FGF13: variants seen among roughly 807,000 people sequenced by gnomAD.
The protein encoded by FGF13 is fibroblast growth factor 13.
In FGF13, 2 loss-of-function variants were observed where a neutral mutation model predicts 19.5. That is an observed-to-expected ratio of 0.10 (90% confidence interval 0.04 to 0.32). The LOEUF is 0.32. FGF13 is among the 10% of genes least tolerant of loss of function. The probability of loss-of-function intolerance (pLI) is 1.00; values close to 1 mark genes in which losing one functional copy is unlikely to be tolerated. For synonymous variants in FGF13, 72 were observed against 76.9 expected, an observed-to-expected ratio of 0.94 and a Z score of 0.33; for missense variants, 113 against 192.7, an observed-to-expected ratio of 0.59 and a Z score of 2.45.
rs903448735 is a variant in FGF13, at chrX:139,181,518, T to C, written c.-113+21898A>G. On this transcript the variant is annotated intron_variant, in intron 1 of 2. Transcript: ENST00000421460. ...TGGCCAAGTGGCAAATTGAGGGCGG[T>C]TGAGACTGACTCTAGTCTAGACCTG... Among the ~76,000 whole-genome samples the C allele has an allele frequency of 6.2e-5, 7 of 112,544 alleles. No individual in the cohort carries two copies. The Admixed American group carries it at 6.6e-4, about 11-fold the overall frequency.
intron 2 of FGF13, among the ~76,000 whole-genome samples, chrX:138,862,950 A>C (rs2091297164): frequency 9.0e-6 from 1 of 110,644 alleles, no homozygotes; most frequent in East Asian, 2.8e-4. Context: ...ACTCCCTACC[A>C]TGCTGGCCCC....
chrX:139,082,181 C>T (rs2083374788), intron 1 of FGF13, among the ~76,000 whole-genome samples: 2 of 111,578 alleles, frequency 1.8e-5, no homozygotes, highest in Admixed American at 1.9e-4. Flanking sequence ...TTCAGATTGA[C>T]AGCCACTGCA....
At chrX:139,185,650 C>G (rs944154103) in intron 1 of FGF13, among the ~76,000 whole-genome samples, 1 of 111,652 alleles carries the variant, frequency 9.0e-6, no homozygotes, top group African/African-American at 3.3e-5. Context: ...TCTGAAAAAG[C>G]TCTTCAGGGG....
At chrX:138,925,801 A>G (rs1458935420) in intron 1 of FGF13, among the ~76,000 whole-genome samples, 2 of 111,854 alleles carry the variant, frequency 1.8e-5, no homozygotes, top group African/African-American at 6.5e-5. Context: ...CTGGTGTTGA[A>G]GGCAGAATGA....
At chrX:138,721,081 G>A (rs957279531) in intron 1 of FGF13, among the ~76,000 whole-genome samples, 1 of 112,029 alleles carries the variant, frequency 8.9e-6, no homozygotes, top group Non-Finnish European at 1.9e-5. Context: ...CAACAGCAGA[G>A]GGTGTAGTAG....
chrX:139,047,202 A>G (rs2092290277), intron 1 of FGF13, among the ~76,000 whole-genome samples: 2 of 111,650 alleles, frequency 1.8e-5, no homozygotes, highest in South Asian at 3.7e-4. Flanking sequence ...GTTGGGGTAT[A>G]TTTTCTTAAT....
In FGF13 at chrX:139,079,989, C is replaced by CCAT. The variant is rs59209433; in HGVS notation, c.-113+123424_-113+123426dup. ...TCTATCAACATCACCGTCATCATCA[C>CCAT]CATCATCATCATCATCATCATCATC... On this transcript the variant is annotated intron_variant, in intron 1 of 2. Coordinates refer to the FGF13 transcript ENST00000421460. Among the ~76,000 whole-genome samples, 456 of 106,440 alleles carry CCAT rather than the reference C, an allele frequency of 4.3e-3. 1 individual carries two copies. Among genetic ancestry groups the CCAT allele is most frequent in the African/African-American group, 0.014 (389 of 28,577 alleles). The allele number at this position is 106,440 out of a possible 115,157, so 92.4% of individuals were successfully genotyped here. A position where few individuals can be genotyped will look rare whatever the true frequency, so the allele number is the denominator to read the frequency against.
intron 3 of FGF13, among the ~76,000 whole-genome samples, chrX:138,833,302 GTTTCTCCC>G (rs1297010503): frequency 8.9e-6 from 1 of 112,270 alleles, no homozygotes; most frequent in Non-Finnish European, 1.9e-5. Flanking sequence ...AGCATGGAAT[GTTTCTCCC>G]TTTGTTTGTG....
intron 3 of FGF13, among the ~76,000 whole-genome samples, chrX:138,746,098 G>T (rs1028963222): frequency 1.8e-5 from 2 of 111,860 alleles, no homozygotes; most frequent in Admixed American, 9.5e-5. Context: ...CAGACTAAGG[G>T]GTGAGATTTG....
chrX:139,138,966 G>A (rs189733797), intron 1 of FGF13, among the ~76,000 whole-genome samples: 6 of 86,846 alleles, frequency 6.9e-5, no homozygotes, highest in African/African-American at 2.6e-4. Context: ...GTCTCACTCT[G>A]TTGCCTAGGC....
At chrX:139,046,298 C>G (rs1017135648) in intron 1 of FGF13, among the ~76,000 whole-genome samples, 17 of 111,484 alleles carry the variant, frequency 1.5e-4, no homozygotes, top group African/African-American at 5.6e-4. Flanking sequence ...AAAGTCAGAA[C>G]TGAGCCACGA....
chrX:138,932,347 G>A (rs749513343), intron 1 of FGF13, among the ~76,000 whole-genome samples: 5 of 111,554 alleles, frequency 4.5e-5, no homozygotes, highest in Non-Finnish European at 7.5e-5. Flanking sequence ...TTGGGAGGCC[G>A]AGGCGGGTGG....
chrX:138,851,549 T>C (rs2091222165), intron 3 of FGF13, among the ~76,000 whole-genome samples: 1 of 111,571 alleles, frequency 9.0e-6, no homozygotes, highest in African/African-American at 3.2e-5. Context: ...AATAAACTAG[T>C]TATGGAAGGA....
intron 1 of FGF13, among the ~76,000 whole-genome samples, chrX:139,008,428 TCA>T (rs2092113536): frequency 8.9e-6 from 1 of 112,180 alleles, no homozygotes; most frequent in African/African-American, 3.2e-5. Flanking sequence ...CCAAGGACCA[TCA>T]CAGAGTCCAC....
At chrX:139,043,640 G>C (rs1468393294) in intron 1 of FGF13, among the ~76,000 whole-genome samples, 1 of 111,326 alleles carries the variant, frequency 9.0e-6, no homozygotes, top group Non-Finnish European at 1.9e-5. Context: ...ATTGAGAGTA[G>C]GTATCCAAGC....
At position 138,708,911 on chromosome X, in the gene FGF13, TAC is replaced by T; in HGVS notation, c.203_204del (p.Gly68AspfsTer22). ...RRRRPEPQLK[G>X]IVTKLYSRQG... ...TGTCGGCTGTATAGCTTGGTAACTATACCCTTAAGCTGAGGCTCTGCAAAGAG... is the reference window on the plus strand; with the variant it reads ...TGTCGGCTGTATAGCTTGGTAACTATCCTTAAGCTGAGGCTCTGCAAAGAG... On this transcript the variant is annotated frameshift_variant, in exon 2 of 5. Coordinates refer to ENST00000315930, the MANE Select transcript of FGF13 (RefSeq NM_004114.5). LOFTEE classifies it high-confidence loss of function. 1 of 1,194,784 alleles carries T rather than the reference TAC, an allele frequency of 8.4e-7. No homozygotes were observed. Among genetic ancestry groups the T allele is most frequent in the Non-Finnish European group, 1.1e-6 (1 of 880,974 alleles).
At chrX:139,154,985 C>G (rs1201961013) in intron 1 of FGF13, among the ~76,000 whole-genome samples, 5 of 111,505 alleles carry the variant, frequency 4.5e-5, no homozygotes, top group Non-Finnish European at 9.4e-5. Flanking sequence ...GATGTTGAGG[C>G]TCAGAGAAGT....
At chrX:139,111,935 G>A (rs1483801848) in intron 1 of FGF13, among the ~76,000 whole-genome samples, 2 of 111,811 alleles carry the variant, frequency 1.8e-5, no homozygotes, top group Non-Finnish European at 3.8e-5. Context: ...AGCCTGGGCT[G>A]TTTCTATGTG....
chrX:138,888,131 T>C (rs903029097), intron 1 of FGF13, among the ~76,000 whole-genome samples: 3 of 112,441 alleles, frequency 2.7e-5, no homozygotes, highest in African/African-American at 9.7e-5. Flanking sequence ...TTTTGTGCCT[T>C]GGCCATTTGC....
Sources: allele counts gnomAD v4.1 joint callset (sites outside exome capture counted in the v4.1 genomes callset), GRCh38; gene constraint gnomAD v4.1.1; transcripts MANE v1.5; gene names NCBI Gene and HGNC (gene_info 2026-07-23, HGNC 2026-07-21).